Variants in PIK3R5 observed in about 807,000 individuals in gnomAD.
PIK3R5 encodes the protein phosphoinositide-3-kinase regulatory subunit 5, also known as phosphoinositide 3-kinase regulatory subunit 5.
A neutral mutation model predicts 94.9 loss-of-function variants in PIK3R5; 32 were observed. The ratio of observed to expected loss-of-function variants is 0.34; its 90% CI spans 0.25 to 0.45. PIK3R5 has a LOEUF of 0.45. PIK3R5 is among the 20% of genes least tolerant of loss of function. The pLI is 1.00. For missense variants in PIK3R5, 853 were observed against 1,144.6 expected, an observed-to-expected ratio of 0.75 and a Z score of 3.68; for synonymous variants, 443 against 479.4, an observed-to-expected ratio of 0.92 and a Z score of 0.99.
intron 5 of PIK3R5, among the ~76,000 whole-genome samples, chr17:8,901,000 T>C (rs545467951): frequency 6.6e-6 from 1 of 152,150 alleles, no homozygotes; most frequent in Non-Finnish European, 1.5e-5. Context: ...CCAAGACATT[T>C]GCATTTTAAA....
At position 8,884,619 on chromosome 17, in the gene PIK3R5, A is replaced by G; in HGVS notation, c.2205+88T>C. 9.7e-7 allele frequency: 1 copy of G among 1,026,022 alleles called. No individual in the cohort carries two copies. The highest frequency in any genetic ancestry group is 1.5e-6 in the Non-Finnish European group (1 of 663,774). The allele number at this position is 1,026,022 out of a possible 1,614,324, so 63.6% of individuals were successfully genotyped here. On this transcript the variant is annotated intron_variant, in intron 15 of 18. Transcript: ENST00000447110. The surrounding 1 kb of genome is among the most constrained non-coding windows in gnomAD (Gnocchi z 5.8). ...AGCGTAAAGACTGGGGCCCAGGAAC[A>G]CACGAGTCCAGCTCTGGGTCCAAGC...
At chr17:8,947,786 G>A (rs2091300943) in intron 1 of PIK3R5, among the ~76,000 whole-genome samples, 1 of 152,174 alleles carries the variant, frequency 6.6e-6, no homozygotes, top group Non-Finnish European at 1.5e-5. Flanking sequence ...GCTCATGCCT[G>A]TAATCCCAGC....
At chr17:8,906,054 A>C (rs181847245) in intron 3 of PIK3R5, among the ~76,000 whole-genome samples, 16 of 152,210 alleles carry the variant, frequency 1.1e-4, no homozygotes, top group African/African-American at 3.4e-4. Flanking sequence ...TTTGTTACAT[A>C]GGTATACATG....
At chr17:8,941,440 G>A (rs369610502) in intron 1 of PIK3R5, among the ~76,000 whole-genome samples, 26 of 152,036 alleles carry the variant, frequency 1.7e-4, no homozygotes, top group Non-Finnish European at 3.4e-4. Flanking sequence ...AAGTTGAACA[G>A]AATAATACCC....
At chr17:8,922,466 T>C (rs76457568) in intron 1 of PIK3R5, among the ~76,000 whole-genome samples, 6,009 of 152,222 alleles carry the variant, frequency 0.039, 173 homozygotes, top group Non-Finnish European at 0.055. Context: ...TCACAATTCC[T>C]ATGGCCCGAG....
intron 1 of PIK3R5, among the ~76,000 whole-genome samples, chr17:8,960,319 T>C (rs2091540267): frequency 6.6e-6 from 1 of 152,264 alleles, no homozygotes; most frequent in Admixed American, 6.5e-5. Context: ...ATATGACTTC[T>C]TCAGAGAAAC....
intron 1 of PIK3R5, among the ~76,000 whole-genome samples, chr17:8,963,911 G>C (rs2091611258): frequency 6.6e-6 from 1 of 152,154 alleles, no homozygotes; most frequent in African/African-American, 2.4e-5. Context: ...AAAAAGCAGG[G>C]GAGGGAGCCC....
At chr17:8,927,388 G>C (rs1207668804) in intron 1 of PIK3R5, among the ~76,000 whole-genome samples, 1 of 152,180 alleles carries the variant, frequency 6.6e-6, no homozygotes, top group African/African-American at 2.4e-5. Flanking sequence ...CCCCTGCCAT[G>C]GCCACTGTCT....
At chr17:8,900,964 G>A (rs1424012402) in intron 5 of PIK3R5, among the ~76,000 whole-genome samples, 1 of 152,136 alleles carries the variant, frequency 6.6e-6, no homozygotes, top group Non-Finnish European at 1.5e-5. Context: ...AATCATTTCG[G>A]TCTTTGGTGG....
intron 3 of PIK3R5, among the ~76,000 whole-genome samples, chr17:8,907,703 G>A (rs1055319610): frequency 2.6e-5 from 4 of 151,500 alleles, no homozygotes; most frequent in Non-Finnish European, 4.4e-5. Flanking sequence ...GCAGTGGCAC[G>A]ATCTTGGCTC....
intron 6 of PIK3R5, 97 bp from the exon 7 acceptor site, chr17:8,891,009 G>T: frequency 8.4e-7 from 1 of 1,197,262 alleles, no homozygotes; most frequent in South Asian, 1.4e-5. Flanking sequence ...GCTCCACTGA[G>T]ACCAGGGCCT....
At position 8,880,576 on chromosome 17, in the gene PIK3R5, T is replaced by A; in HGVS notation, c.*63A>T. 6.7e-7 allele frequency: 1 copy of A among 1,482,970 alleles called. No homozygotes were observed. Among genetic ancestry groups the A allele is most frequent in the Non-Finnish European group, 9.0e-7 (1 of 1,105,644 alleles). The allele number at this position is 1,482,970 out of a possible 1,614,324, so 91.9% of individuals were successfully genotyped here. A position where few individuals can be genotyped will look rare whatever the true frequency, so the allele number is the denominator to read the frequency against. ...TTCAGTTCTCCACAGAGAGGGACTGTCCTGGAGGGGTGGCCGAGGAGGTTG... is the reference window on the plus strand; with the variant it reads ...TTCAGTTCTCCACAGAGAGGGACTGACCTGGAGGGGTGGCCGAGGAGGTTG... On this transcript the variant is annotated 3_prime_UTR_variant, in exon 19 of 19. Transcript: ENST00000447110.
Position 8,888,924 on chromosome 17 carries a change from G to A in PIK3R5, c.896-33C>T, listed in dbSNP as rs199985425. On this transcript the variant is annotated intron_variant, in intron 9 of 18. Transcript: ENST00000447110. This position sits in a 1 kb window ranked among gnomAD's most constrained non-coding sequence, Gnocchi z 7.8. ...GAAGCAAGGCCAGCACTGTCTGGGC[G>A]TCTGGGCCCCGGATCCCCTTCTATA... is the stretch of plus-strand genomic sequence containing the variant. 386 of 1,568,660 alleles carry A rather than the reference G, an allele frequency of 2.5e-4. 2 individuals carry two copies. The East Asian group carries it at 7.5e-3, about 30-fold the overall frequency.
chr17:8,951,658 T>G (rs1007672940), intron 1 of PIK3R5, among the ~76,000 whole-genome samples: 1 of 152,214 alleles, frequency 6.6e-6, no homozygotes. Context: ...TTAATGGACA[T>G]TTGGGTTAGT....
intron 1 of PIK3R5, among the ~76,000 whole-genome samples, chr17:8,918,645 C>G (rs967670238): frequency 6.6e-6 from 1 of 152,138 alleles, no homozygotes; most frequent in African/African-American, 2.4e-5. Flanking sequence ...TGTAGATCCA[C>G]TGATGAATGC....
rs185770010 is a variant in PIK3R5 at position 8,919,250 on chromosome 17, A to T, written c.-13-7743T>A. Among the ~76,000 whole-genome samples the T allele has an allele frequency of 2.0e-4, 31 of 152,320 alleles. No homozygotes were observed. The East Asian group carries it at 5.6e-3, about 27-fold the overall frequency. Reference sequence around the variant, plus strand: ...ATTTCCTGGTTTTGATAACTGCACCATGTTTATGTAAGTTGTTAATTAGAG... The same window carrying T: ...ATTTCCTGGTTTTGATAACTGCACCTTGTTTATGTAAGTTGTTAATTAGAG... On this transcript the variant is annotated intron_variant, in intron 1 of 18. Coordinates refer to ENST00000447110, the MANE Select transcript of PIK3R5 (RefSeq NM_001142633.3).
intron 1 of PIK3R5, among the ~76,000 whole-genome samples, chr17:8,923,738 T>C (rs910834563): frequency 6.6e-6 from 1 of 152,220 alleles, no homozygotes; most frequent in South Asian, 2.1e-4. Flanking sequence ...GGTTAGACAA[T>C]GTGCACAGGA....
At chr17:8,942,963 T>TACACACACACACAC (rs112851950) in intron 1 of PIK3R5, among the ~76,000 whole-genome samples, 9,156 of 149,070 alleles carry the variant, frequency 0.061, 374 homozygotes, top group African/African-American at 0.11. Context: ...GATCACGTCA[T>TACACACACACACAC]ACACACACAC....
chr17:8,947,577 A>G (rs1159783981), intron 1 of PIK3R5, among the ~76,000 whole-genome samples: 2 of 152,152 alleles, frequency 1.3e-5, no homozygotes, highest in Non-Finnish European at 2.9e-5. Context: ...GGGAAAGAAA[A>G]TGGAAAATTA....
Sources: gnomAD v4.1 joint callset for allele counts (sites outside exome capture counted in the v4.1 genomes callset) on GRCh38, gnomAD v4.1.1 for gene constraint, Gnocchi (gnomAD v3.1) non-coding constraint, MANE v1.5 for transcripts, NCBI Gene and HGNC (gene_info 2026-07-23, HGNC 2026-07-21) for gene names.